Variants in NTRK3 observed in about 807,000 individuals in gnomAD.
NTRK3 encodes the protein neurotrophic receptor tyrosine kinase 3.
A neutral mutation model predicts 91.7 loss-of-function variants in NTRK3; 24 were observed. The ratio of observed to expected loss-of-function variants is 0.26; its 90% CI spans 0.19 to 0.37. The LOEUF is 0.37. NTRK3 is among the 10% of genes least tolerant of loss of function. NTRK3 has a pLI of 1.00. For synonymous variants in NTRK3, 483 were observed against 404.0 expected (o/e 1.20, Z -2.34); for missense variants, 880 against 1,068.9 (o/e 0.82, Z 2.46).
intron 14 of NTRK3, among the ~76,000 whole-genome samples, chr15:88,004,734 T>G (rs192146044): frequency 7.9e-5 from 12 of 151,708 alleles, no homozygotes; most frequent in African/African-American, 2.4e-4. Flanking sequence ...TGTGGGAGAG[T>G]GTGAGAGGCC....
chr15:87,960,960 T>A (rs1338348072), intron 14 of NTRK3, among the ~76,000 whole-genome samples: 1 of 152,234 alleles, frequency 6.6e-6, no homozygotes, highest in Non-Finnish European at 1.5e-5. Flanking sequence ...TTCACCCCCC[T>A]GACTTTACCT....
intron 17 of NTRK3, among the ~76,000 whole-genome samples, chr15:87,882,087 G>A (rs1235549006): frequency 6.6e-6 from 1 of 151,896 alleles, no homozygotes; most frequent in African/African-American, 2.4e-5. Flanking sequence ...GTAGAGACGG[G>A]GTTTCACCGC....
chr15:88,108,324 T>C (rs2050936458), intron 13 of NTRK3, among the ~76,000 whole-genome samples: 1 of 152,038 alleles, frequency 6.6e-6, no homozygotes, highest in Non-Finnish European at 1.5e-5. Context: ...CTGCCCGGAG[T>C]TCATAGTCTA....
chr15:88,034,087 C>T (rs1467764548), intron 13 of NTRK3, among the ~76,000 whole-genome samples: 1 of 152,158 alleles, frequency 6.6e-6, no homozygotes, highest in Non-Finnish European at 1.5e-5. Flanking sequence ...GGCCACCAGA[C>T]TCCCAGGGGA....
intron 6 of NTRK3, among the ~76,000 whole-genome samples, chr15:88,142,885 A>C (rs1021999448): frequency 6.6e-6 from 1 of 152,180 alleles, no homozygotes; most frequent in Non-Finnish European, 1.5e-5. Context: ...ATCACTCTCG[A>C]TTTCAGGTGG....
At chr15:87,951,291 T>G (rs535229977) in intron 14 of NTRK3, among the ~76,000 whole-genome samples, 1 of 152,358 alleles carries the variant, frequency 6.6e-6, no homozygotes, top group Admixed American at 6.5e-5. Flanking sequence ...TAGGACCATC[T>G]CTGCTTATTT....
At position 87,951,971 on chromosome 15, in the gene NTRK3, AC is replaced by A. The variant is rs553822564; in HGVS notation, c.1586-11219del. On this transcript the variant is annotated intron_variant, in intron 14 of 18. Transcript: ENST00000394480. ...GTGAAAGCAAGTTTCCACTAAAAAA[AC>A]AAAAATTAGCCAGGCGTGATGGCAC... Among the ~76,000 whole-genome samples, 400 of 152,224 alleles carry A rather than the reference AC, an allele frequency of 2.6e-3. 4 individuals carry two copies. The highest frequency in any genetic ancestry group is 9.2e-3 in the African/African-American group (382 of 41,546).
chr15:87,962,070 C>G (rs1372340257), intron 14 of NTRK3, among the ~76,000 whole-genome samples: 1 of 152,226 alleles, frequency 6.6e-6, no homozygotes, highest in African/African-American at 2.4e-5. Flanking sequence ...GACCAACAAA[C>G]AGCTTGCTTG....
intron 6 of NTRK3, among the ~76,000 whole-genome samples, chr15:88,147,012 T>C (rs568612377): frequency 2.6e-5 from 4 of 152,248 alleles, no homozygotes; most frequent in East Asian, 3.9e-4. Context: ...AAGTTATATA[T>C]TATGAATGTG....
At chr15:87,901,475 G>T (rs1483044819) in intron 17 of NTRK3, among the ~76,000 whole-genome samples, 2 of 152,172 alleles carry the variant, frequency 1.3e-5, no homozygotes, top group Non-Finnish European at 2.9e-5. Context: ...AATCCCCAAG[G>T]GTAGAGCCCT....
intron 13 of NTRK3, among the ~76,000 whole-genome samples, chr15:88,073,778 C>CCG (rs2047297346): frequency 8.2e-6 from 1 of 121,284 alleles, no homozygotes; most frequent in South Asian, 2.4e-4. Flanking sequence ...TGCTGCAACA[C>CCG]CCCCCCGCCC....
At chr15:88,232,046 C>T (rs115633707) in intron 3 of NTRK3, among the ~76,000 whole-genome samples, 1,846 of 152,284 alleles carry the variant, frequency 0.012, 49 homozygotes, top group African/African-American at 0.042. Flanking sequence ...CCGAGTGAAT[C>T]CCACAGCTCA....
exon 19 of NTRK3, chr15:87,872,665 C>T (rs958351042): frequency 1.7e-5 from 4 of 232,462 alleles, no homozygotes; most frequent in Non-Finnish European, 2.6e-5. Flanking sequence ...AAGTCTCTGG[C>T]TTGTCTGCCT....
chr15:88,176,212 C>A (rs2045983540), intron 5 of NTRK3, among the ~76,000 whole-genome samples: 1 of 146,790 alleles, frequency 6.8e-6, no homozygotes, highest in Non-Finnish European at 1.5e-5. Flanking sequence ...TTTCAGCTCA[C>A]TGCAACCTCC....
chr15:88,128,652 A>G, intron 11 of NTRK3, 59 bp downstream of exon 11: 2 of 1,560,926 alleles, frequency 1.3e-6, no homozygotes, highest in South Asian at 1.1e-5. Context: ...TTTGAATTCA[A>G]TAGTTACCGA....
intron 14 of NTRK3, among the ~76,000 whole-genome samples, chr15:87,946,523 G>A (rs2070517762): frequency 6.6e-6 from 1 of 152,150 alleles, no homozygotes. Context: ...GGACAGGACT[G>A]AGACAGTCCT....
In NTRK3 at chr15:87,981,125, G is replaced by A. The variant is rs1038315569; in HGVS notation, c.1586-40372C>T. ...GGCACCTAGTCGTACCTCAGTCCAC[G>A]AAATATATGGAGGCTTGATGAGTCT... is the stretch of plus-strand genomic sequence containing the variant. On this transcript the variant is annotated intron_variant, in intron 14 of 18. Coordinates refer to ENST00000394480, the Ensembl canonical transcript of NTRK3. The A allele has an allele frequency of 9.1e-6, 14 of 1,538,810 alleles. No individual in the cohort carries two copies. In the Admixed American group the frequency reaches 9.8e-5, roughly 11 times the overall value.
chr15:88,154,915 G>C (rs1405762391), intron 5 of NTRK3, among the ~76,000 whole-genome samples: 1 of 152,210 alleles, frequency 6.6e-6, no homozygotes, highest in Non-Finnish European at 1.5e-5. Context: ...TCTCCATGGA[G>C]TGTCTAGCCA....
At chr15:87,875,752 A>C in exon 19 of NTRK3, 1 of 233,062 alleles carries the variant, frequency 4.3e-6, no homozygotes, top group Non-Finnish European at 8.5e-6. Context: ...TCACTGCTGC[A>C]GCCTCTCACT....
Sources: gnomAD v4.1 joint callset for allele counts (sites outside exome capture counted in the v4.1 genomes callset) on GRCh38, gnomAD v4.1.1 for gene constraint, MANE v1.5 for transcripts, NCBI Gene and HGNC (gene_info 2026-07-23, HGNC 2026-07-21) for gene names.